MAD1L1: variants seen among roughly 807,000 people sequenced by gnomAD.
MAD1L1 encodes mitotic spindle assembly checkpoint protein MAD1.
MAD1L1 carries 95 observed loss-of-function variants against 96.9 expected under a neutral mutation model. The observed-to-expected ratio is 0.98, with a 90% CI of 0.83 to 1.16. The LOEUF (loss-of-function observed/expected upper bound fraction) is 1.16. Ranked by LOEUF, MAD1L1 falls within the 50% of genes most tolerant of loss-of-function variation. The pLI is 0.00. For missense variants in MAD1L1, 1,007 were observed against 954.4 expected (o/e 1.06, Z -0.73); for synonymous variants, 473 against 396.6 (o/e 1.19, Z -2.29).
chr7:2,021,050 T>C lies in MAD1L1; in HGVS notation c.1219-6408A>G, dbSNP rs1028017716. 2.0e-5 allele frequency among the ~76,000 whole-genome samples: 3 copies of C among 151,730 alleles called. No individual in the cohort carries two copies. In the South Asian group the frequency reaches 6.3e-4, roughly 32 times the overall value. ...CTAAAATGCACTGAGGAAAAAGCAA[T>C]GAAAACAAAAGAAGAGGCGACCTAA... On this transcript the variant is annotated intron_variant, in intron 12 of 18. Transcript: ENST00000265854.
intron 11 of MAD1L1, among the ~76,000 whole-genome samples, chr7:2,097,123 C>A (rs1786533369): frequency 1.3e-5 from 2 of 152,270 alleles, no homozygotes; most frequent in South Asian, 2.1e-4. Context: ...CTGGCTCCAC[C>A]ACACCCCATG....
chr7:1,932,304 CCTT>C (rs1789525864), intron 17 of MAD1L1, among the ~76,000 whole-genome samples: 1 of 152,248 alleles, frequency 6.6e-6, no homozygotes, highest in Non-Finnish European at 1.5e-5. Flanking sequence ...CCTGAGGCCT[CCTT>C]CTCTGCTTCC....
At chr7:2,218,883 A>G (rs1186418524) in intron 6 of MAD1L1, among the ~76,000 whole-genome samples, 3 of 151,660 alleles carry the variant, frequency 2.0e-5, no homozygotes, top group Non-Finnish European at 4.4e-5. Flanking sequence ...TGGGTGACAC[A>G]GCGAGACTCA....
chr7:2,035,186 C>A (rs1239947498), intron 12 of MAD1L1, among the ~76,000 whole-genome samples: 2 of 152,270 alleles, frequency 1.3e-5, no homozygotes, highest in African/African-American at 4.8e-5. Context: ...CCCAGGGACA[C>A]GCAGACCACA....
intron 11 of MAD1L1, among the ~76,000 whole-genome samples, chr7:2,105,431 G>A (rs1054590962): frequency 5.3e-5 from 8 of 149,666 alleles, no homozygotes; most frequent in East Asian, 2.0e-4. Flanking sequence ...AGAGCAAAGC[G>A]TGGGCTCCAC....
intron 18 of MAD1L1, among the ~76,000 whole-genome samples, chr7:1,888,762 T>G (rs546625963): frequency 7.6e-6 from 1 of 132,018 alleles, no homozygotes; most frequent in Non-Finnish European, 1.5e-5. Flanking sequence ...AGCATGCATG[T>G]GTGTGTGTGG....
intron 16 of MAD1L1, among the ~76,000 whole-genome samples, chr7:1,940,974 C>CCTCCTCTTCCTCCCCCCGCAGGCCTCAG (rs1778946627): frequency 8.8e-6 from 1 of 114,150 alleles, no homozygotes; most frequent in Admixed American, 8.1e-5. Flanking sequence ...GCAGGCCTCA[C>CCTCCTCTTCCTCCCCCCGCAGGCCTCAG]CCTCCTCTTC....
chr7:2,025,403 G>A (rs1006701325), intron 12 of MAD1L1, among the ~76,000 whole-genome samples: 5 of 152,224 alleles, frequency 3.3e-5, no homozygotes, highest in Admixed American at 3.3e-4. Flanking sequence ...AAGGGTTGTA[G>A]GCTGGTGGAT....
chr7:2,168,290 A>G (rs1171618076), intron 10 of MAD1L1, among the ~76,000 whole-genome samples: 1 of 131,788 alleles, frequency 7.6e-6, no homozygotes, highest in Non-Finnish European at 1.6e-5. Context: ...CTAAAAAAAG[A>G]AAAAAAAAGA....
intron 10 of MAD1L1, among the ~76,000 whole-genome samples, chr7:2,182,304 C>G (rs1182428109): frequency 6.6e-6 from 1 of 151,666 alleles, no homozygotes; most frequent in Non-Finnish European, 1.5e-5. Context: ...AGATACCACT[C>G]CACACCCACG....
chr7:1,835,055 A>G (rs1250728968), intron 18 of MAD1L1, among the ~76,000 whole-genome samples: 1 of 152,186 alleles, frequency 6.6e-6, no homozygotes, highest in Non-Finnish European at 1.5e-5. Context: ...ACAAAAGGAA[A>G]ACCATATGAT....
At chr7:1,993,131 T>C (rs1382786965) in intron 14 of MAD1L1, among the ~76,000 whole-genome samples, 1 of 152,154 alleles carries the variant, frequency 6.6e-6, no homozygotes, top group African/African-American at 2.4e-5. Flanking sequence ...CTGCTCTGAG[T>C]CTGAAGTGCC....
At chr7:2,058,719 G>A (rs1421819750) in intron 12 of MAD1L1, among the ~76,000 whole-genome samples, 2 of 124,048 alleles carry the variant, frequency 1.6e-5, no homozygotes, top group Non-Finnish European at 1.7e-5. Flanking sequence ...GAGAGGAGAG[G>A]CGCAGGGCTG....
chr7:1,929,808 CCACTG>C (rs1247267991), intron 17 of MAD1L1, among the ~76,000 whole-genome samples: 19 of 62,594 alleles, frequency 3.0e-4, no homozygotes, highest in East Asian at 4.5e-4. Context: ...CGCCCCGTCC[CCACTG>C]CCACGTCCCC....
intron 10 of MAD1L1, among the ~76,000 whole-genome samples, chr7:2,156,669 A>T (rs912445018): frequency 3.3e-5 from 5 of 152,118 alleles, no homozygotes; most frequent in African/African-American, 1.2e-4. Flanking sequence ...AAAATACAAA[A>T]AATTAGCCGG....
At chr7:2,065,610 G>T (rs777513471) in intron 12 of MAD1L1, among the ~76,000 whole-genome samples, 1 of 152,146 alleles carries the variant, frequency 6.6e-6, no homozygotes, top group South Asian at 2.1e-4. Context: ...CCCAGAGCTC[G>T]AAACTCAGAC....
intron 14 of MAD1L1, among the ~76,000 whole-genome samples, chr7:1,994,388 G>C (rs756517327): frequency 5.9e-5 from 9 of 152,208 alleles, no homozygotes; most frequent in Admixed American, 2.6e-4. Context: ...CATCCTCAGA[G>C]GGGGAGCAGC....
At chr7:2,158,822 G>A (rs920216464) in intron 10 of MAD1L1, among the ~76,000 whole-genome samples, 4 of 152,190 alleles carry the variant, frequency 2.6e-5, no homozygotes, top group Non-Finnish European at 4.4e-5. Context: ...TGCAGTACCC[G>A]GCCCTGGGTC....
chr7:2,101,513 A>G (rs1786779417), intron 11 of MAD1L1, among the ~76,000 whole-genome samples: 1 of 139,982 alleles, frequency 7.1e-6, no homozygotes. Context: ...GTGGCATGAG[A>G]CTGGGGCTCC....
Sources: allele counts gnomAD v4.1 joint callset (sites outside exome capture counted in the v4.1 genomes callset), GRCh38; gene constraint gnomAD v4.1.1; transcripts MANE v1.5; gene names NCBI Gene and HGNC (gene_info 2026-07-23, HGNC 2026-07-21).